Variants in PLEKHA2 observed in about 807,000 individuals in gnomAD.
The protein encoded by PLEKHA2 is pleckstrin homology domain-containing family A member 2.
In PLEKHA2, 28 loss-of-function variants were observed where a neutral mutation model predicts 53.2. The observed-to-expected ratio is 0.53, with a 90% CI of 0.39 to 0.72. The LOEUF (loss-of-function observed/expected upper bound fraction) is 0.72. Among genes scored for constraint, PLEKHA2 ranks in the 30% least tolerant of loss-of-function variants. The pLI is 0.00. For missense variants in PLEKHA2, 426 were observed against 537.9 expected, an observed-to-expected ratio of 0.79 and a Z score of 2.06; for synonymous variants, 193 against 196.4, an observed-to-expected ratio of 0.98 and a Z score of 0.14.
rs1360047853 is a variant in PLEKHA2, at chr8:38,953,328, A to T, written c.734A>T (p.Lys245Met). The T allele has an allele frequency of 6.2e-7, 1 of 1,613,444 alleles. No homozygotes were observed. The highest frequency in any genetic ancestry group is 1.7e-5 in the Admixed American group (1 of 60,018). Residue 245 changes from lysine to methionine, a missense_variant, in exon 9 of 12, where the codon AAG becomes ATG. Coordinates refer to ENST00000617275, the MANE Select transcript of PLEKHA2 (RefSeq NM_021623.2). ...GAACCACTGCGCACCATATTTCTTA[A>T]GGATGTTCTGAAGACCCATGAATGT... Reference protein sequence around the residue: ...DREPLRTIFLKDVLKTHECLV... With the variant: ...DREPLRTIFLMDVLKTHECLV...
At chr8:38,928,280 A>C in intron 2 of PLEKHA2, among the ~76,000 whole-genome samples, 2 of 124,168 alleles carry the variant, frequency 1.6e-5, no homozygotes, top group Non-Finnish European at 3.2e-5. Context: ...AGTCTCACTC[A>C]CTCTGTCACC....
chr8:38,918,758 C>A (rs1834126820), intron 2 of PLEKHA2, among the ~76,000 whole-genome samples: 1 of 151,778 alleles, frequency 6.6e-6, no homozygotes, highest in Non-Finnish European at 1.5e-5. Flanking sequence ...ACACCATACA[C>A]ACACATGCAC....
At chr8:38,902,845 C>T (rs532448906) in intron 1 of PLEKHA2, among the ~76,000 whole-genome samples, 32 of 152,240 alleles carry the variant, frequency 2.1e-4, no homozygotes, top group African/African-American at 6.7e-4. Context: ...CTGTCTTTGG[C>T]GAGCTTACAG....
chr8:38,959,064 A>T (rs145316927), intron 10 of PLEKHA2, among the ~76,000 whole-genome samples: 4 of 152,314 alleles, frequency 2.6e-5, no homozygotes, highest in African/African-American at 9.6e-5. Flanking sequence ...AAGTGATCCT[A>T]GCAGGAAATG....
chr8:38,957,079 T>C (rs1370525401), intron 9 of PLEKHA2, among the ~76,000 whole-genome samples: 1 of 152,000 alleles, frequency 6.6e-6, no homozygotes, highest in Non-Finnish European at 1.5e-5. Flanking sequence ...TTAGAACTGC[T>C]GGTGGGAGAG....
chr8:38,969,703 A>AG lies in PLEKHA2; in HGVS notation c.1199dup (p.Ser401IlefsTer16). ...GCTGCCCAGCTCCCGGATAAGGCAC[A>AG]GATCGGAGCCCCAGCACCCCAAGGA... On this transcript the variant is annotated frameshift_variant, in exon 12 of 12. Coordinates refer to ENST00000617275, the MANE Select transcript of PLEKHA2 (RefSeq NM_021623.2). LOFTEE classifies it high-confidence loss of function. The AG allele has an allele frequency of 6.4e-7, 1 of 1,566,208 alleles. No individual in the cohort carries two copies. The highest frequency in any genetic ancestry group is 1.2e-5 in the South Asian group (1 of 85,298).
intron 3 of PLEKHA2, among the ~76,000 whole-genome samples, chr8:38,938,281 C>A (rs1350858589): frequency 6.6e-6 from 1 of 152,132 alleles, no homozygotes; most frequent in Non-Finnish European, 1.5e-5. Context: ...ACAGACACAC[C>A]CTGCTTTTGC....
In PLEKHA2 at chr8:38,940,557, G is replaced by A. The variant is rs146535720; in HGVS notation, c.199-3232G>A. Among the ~76,000 whole-genome samples the A allele has an allele frequency of 7.3e-4, 109 of 150,274 alleles. 1 individual carries two copies. The highest frequency in any genetic ancestry group is 2.5e-3 in the African/African-American group (104 of 40,880). Reference sequence around the variant, plus strand: ...ACCAGAGGACTGCAGGAATGTGGACGCTGAGGGCCAAAGCAAGAAAATGAG... The same window carrying A: ...ACCAGAGGACTGCAGGAATGTGGACACTGAGGGCCAAAGCAAGAAAATGAG... On this transcript the variant is annotated intron_variant, in intron 3 of 11. Coordinates refer to ENST00000617275, the MANE Select transcript of PLEKHA2 (RefSeq NM_021623.2).
chr8:38,919,291 T>C (rs1387027774), intron 2 of PLEKHA2, among the ~76,000 whole-genome samples: 2 of 152,202 alleles, frequency 1.3e-5, no homozygotes, highest in African/African-American at 4.8e-5. Flanking sequence ...CTTTGACTGC[T>C]ATGTCTAGGA....
chr8:38,943,334 T>TA (rs1328207378), intron 3 of PLEKHA2, among the ~76,000 whole-genome samples: 3 of 151,480 alleles, frequency 2.0e-5, no homozygotes, highest in East Asian at 1.9e-4. Context: ...TTTTCTTTTT[T>TA]AAAAAAAACT....
chr8:38,952,604 C>T (rs1834866629), intron 7 of PLEKHA2, 32 bp from the exon 8 acceptor site: 1 of 1,595,252 alleles, frequency 6.3e-7, no homozygotes, highest in African/African-American at 1.3e-5. Context: ...GCACCTCTCG[C>T]TAATGGTCTG....
At chr8:38,960,663 A>C (rs1835026051) in intron 10 of PLEKHA2, among the ~76,000 whole-genome samples, 1 of 152,172 alleles carries the variant, frequency 6.6e-6, no homozygotes, top group Non-Finnish European at 1.5e-5. Context: ...TCTGCATTCT[A>C]TCTGTGGCCA....
intron 5 of PLEKHA2, among the ~76,000 whole-genome samples, chr8:38,949,672 T>C (rs1834789214): frequency 6.6e-6 from 1 of 152,240 alleles, no homozygotes; most frequent in African/African-American, 2.4e-5. Flanking sequence ...CCAAAAGGGC[T>C]CTGTGTATAA....
intron 2 of PLEKHA2, among the ~76,000 whole-genome samples, chr8:38,925,616 A>G (rs968270438): frequency 1.1e-4 from 17 of 152,242 alleles, no homozygotes; most frequent in African/African-American, 3.9e-4. Flanking sequence ...TGGGGTGCCA[A>G]TGAAAGCCCT....
rs71216695 is a variant in PLEKHA2, at chr8:38,909,959, C to CTT, written c.-23-7934_-23-7933dup. On this transcript the variant is annotated intron_variant, in intron 1 of 11. Transcript: ENST00000617275. Reference sequence around the variant, plus strand: ...TTTTGTTTTTCTTTTCATTAAAATACTTTTTTTTTTTTTTTGAGATGGAGT... The same window carrying CTT: ...TTTTGTTTTTCTTTTCATTAAAATACTTTTTTTTTTTTTTTTTGAGATGGAGT... Among the ~76,000 whole-genome samples the CTT allele has an allele frequency of 3.5e-3, 497 of 141,564 alleles. 2 individuals are homozygous for CTT. Among genetic ancestry groups the CTT allele is most frequent in the East Asian group, 0.025 (124 of 4,864 alleles). 92.9% of individuals were successfully genotyped at this position (141,564 alleles called of 152,430 possible).
intron 11 of PLEKHA2, 133 bp from the exon 12 acceptor site, chr8:38,969,288 A>G: frequency 9.0e-7 from 1 of 1,106,578 alleles, no homozygotes; most frequent in South Asian, 1.6e-5. Flanking sequence ...ACTGTATTTC[A>G]TTTTTGTAGG....
chr8:38,949,590 A>G (rs1326030038), intron 5 of PLEKHA2, among the ~76,000 whole-genome samples: 1 of 152,252 alleles, frequency 6.6e-6, no homozygotes, highest in Non-Finnish European at 1.5e-5. Context: ...ACTAACAATA[A>G]AAATTTTATG....
chr8:38,908,506 G>A (rs1487629265), intron 1 of PLEKHA2, among the ~76,000 whole-genome samples: 1 of 152,156 alleles, frequency 6.6e-6, no homozygotes, highest in Non-Finnish European at 1.5e-5. Flanking sequence ...ACACTTGGGT[G>A]GGAATCTGTG....
chr8:38,945,536 G>A (rs766686407), intron 4 of PLEKHA2, among the ~76,000 whole-genome samples: 3 of 152,122 alleles, frequency 2.0e-5, no homozygotes, highest in East Asian at 1.9e-4. Context: ...TGACTCTCAC[G>A]TTTTGTGGTT....
Sources: gnomAD v4.1 joint callset for allele counts (sites outside exome capture counted in the v4.1 genomes callset) on GRCh38, gnomAD v4.1.1 for gene constraint, MANE v1.5 for transcripts, NCBI Gene and HGNC (gene_info 2026-07-23, HGNC 2026-07-21) for gene names.